The following NKAIN2 variants were observed in gnomAD, a reference collection of about 807,000 sequenced individuals.
The protein encoded by NKAIN2 is sodium/potassium-transporting ATPase subunit beta-1-interacting protein 2.
A neutral mutation model predicts 32.6 loss-of-function variants in NKAIN2; 14 were observed. The observed-to-expected ratio is 0.43, with a 90% confidence interval of 0.28 to 0.67. The LOEUF (loss-of-function observed/expected upper bound fraction) is 0.67, where lower values mean the gene tolerates loss of function less well. Among genes scored for constraint, NKAIN2 ranks in the 30% least tolerant of loss-of-function variants. NKAIN2 has a pLI of 0.17. For synonymous variants in NKAIN2, 80 were observed against 87.2 expected (o/e 0.92, Z 0.46); for missense variants, 198 against 258.3 (o/e 0.77, Z 1.60).
chr6:124,555,686 T>G (rs960935960), intron 3 of NKAIN2, among the ~76,000 whole-genome samples: 5 of 152,198 alleles, frequency 3.3e-5, no homozygotes, highest in African/African-American at 7.2e-5. Flanking sequence ...TGATCCTGAT[T>G]GATTAGAAGA....
chr6:124,243,568 G>A (rs546835159), intron 1 of NKAIN2, among the ~76,000 whole-genome samples: 1 of 152,060 alleles, frequency 6.6e-6, no homozygotes, highest in South Asian at 2.1e-4. Flanking sequence ...GGCAGCCAAT[G>A]TATTGGAAAT....
intron 3 of NKAIN2, among the ~76,000 whole-genome samples, chr6:124,469,099 G>C (rs1336764068): frequency 6.6e-6 from 1 of 152,152 alleles, no homozygotes; most frequent in African/African-American, 2.4e-5. Context: ...CCCTGGAATT[G>C]CTCGTTGCAG....
At chr6:124,144,581 A>C (rs552200130) in intron 1 of NKAIN2, among the ~76,000 whole-genome samples, 1 of 152,200 alleles carries the variant, frequency 6.6e-6, no homozygotes, top group Non-Finnish European at 1.5e-5. Flanking sequence ...CCACAATTAA[A>C]AAAAATAAAG....
At chr6:124,683,675 C>A (rs1051048394) in intron 4 of NKAIN2, among the ~76,000 whole-genome samples, 1 of 152,152 alleles carries the variant, frequency 6.6e-6, no homozygotes, top group Middle Eastern at 3.2e-3. Flanking sequence ...TGATCCCCCC[C>A]ACCCTGCTTT....
At chr6:123,867,323 T>G (rs1772587364) in intron 1 of NKAIN2, among the ~76,000 whole-genome samples, 1 of 152,240 alleles carries the variant, frequency 6.6e-6, no homozygotes, top group South Asian at 2.1e-4. Context: ...AGCAGAGTAT[T>G]ATATCATTTT....
chr6:124,706,956 G>C, intron 4 of NKAIN2, among the ~76,000 whole-genome samples: 1 of 151,560 alleles, frequency 6.6e-6, no homozygotes, highest in Non-Finnish European at 1.5e-5. Flanking sequence ...TCGTCATCTA[G>C]CATTAGTATA....
At chr6:124,109,538 T>C (rs13202400) in intron 1 of NKAIN2, among the ~76,000 whole-genome samples, 1 of 152,068 alleles carries the variant, frequency 6.6e-6, no homozygotes, top group South Asian at 2.1e-4. Flanking sequence ...TGAATACATA[T>C]ATACGATCAT....
chr6:124,431,849 AGATATTTCCACCACCACTAACAGC>A (rs1775230251), intron 3 of NKAIN2, among the ~76,000 whole-genome samples: 2 of 152,160 alleles, frequency 1.3e-5, no homozygotes, highest in Non-Finnish European at 2.9e-5. Flanking sequence ...TTATGTAAAG[AGATATTTCCACCACCACTAACAGC>A]AACAACAACA....
intron 4 of NKAIN2, 74 bp from the exon 5 acceptor site, chr6:124,791,265 G>T: frequency 8.7e-7 from 1 of 1,145,402 alleles, no homozygotes; most frequent in South Asian, 1.3e-5. Flanking sequence ...GCCTGACTTT[G>T]AAAAGCCACT....
At chr6:124,572,583 C>T (rs1211078490) in intron 3 of NKAIN2, among the ~76,000 whole-genome samples, 1 of 151,840 alleles carries the variant, frequency 6.6e-6, no homozygotes, top group Admixed American at 6.6e-5. Context: ...GTGGCGCACA[C>T]AAAAAAGAGA....
At chr6:124,559,089 G>A (rs576687503) in intron 3 of NKAIN2, among the ~76,000 whole-genome samples, 35 of 152,208 alleles carry the variant, frequency 2.3e-4, no homozygotes, top group Middle Eastern at 3.4e-3. Flanking sequence ...TCGTTTTCCT[G>A]TTTACTCCTC....
In NKAIN2 at chr6:124,063,117, G is replaced by A. The variant is rs186766847; in HGVS notation, c.55-219888G>A. ...AGAGAATTGCTTGAACCTGGGAGGC[G>A]GAGGTTGCAGTGAGCCGAGATCATG... is the stretch of plus-strand genomic sequence containing the variant. On this transcript the variant is annotated intron_variant, in intron 1 of 6. Coordinates refer to ENST00000368417, the MANE Select transcript of NKAIN2 (RefSeq NM_001040214.3). Among the ~76,000 whole-genome samples, 708 of 151,878 alleles carry A rather than the reference G, an allele frequency of 4.7e-3. 2 individuals carry two copies. The highest frequency in any genetic ancestry group is 0.016 in the African/African-American group (655 of 41,440).
intron 1 of NKAIN2, among the ~76,000 whole-genome samples, chr6:123,889,743 A>T (rs79161915): frequency 1.3e-5 from 2 of 152,212 alleles, no homozygotes; most frequent in Non-Finnish European, 2.9e-5. Flanking sequence ...ATAGCTACTC[A>T]TGAAATTCAG....
At position 123,804,065 on chromosome 6, in the gene NKAIN2, T is replaced by TGGCAGC. The variant is rs1554207541; in HGVS notation, c.-135_-130dup. On this transcript the variant is annotated 5_prime_UTR_variant, in exon 1 of 7. Transcript: ENST00000368417. ...TAATGCCTGTCACTTCCCAGGACGC[T>TGGCAGC]GGCAGCAGCAGCAGCCCGGAGCCCC... is the stretch of plus-strand genomic sequence containing the variant. 48 of 829,514 alleles carry TGGCAGC rather than the reference T, an allele frequency of 5.8e-5. 1 individual carries two copies. In the African/African-American group the frequency reaches 6.0e-4, roughly 10 times the overall value. 51.4% of individuals were successfully genotyped at this position (829,514 alleles called of 1,614,324 possible).
intron 2 of NKAIN2, 176 bp downstream of exon 2, chr6:124,283,318 AG>A: frequency 1.9e-6 from 1 of 522,846 alleles, no homozygotes; most frequent in Non-Finnish European, 3.4e-6. Context: ...TGAAAATGTC[AG>A]GTTTAAGGCA....
At chr6:124,155,886 C>T (rs1036617437) in intron 1 of NKAIN2, among the ~76,000 whole-genome samples, 6 of 150,950 alleles carry the variant, frequency 4.0e-5, no homozygotes, top group African/African-American at 1.5e-4. Flanking sequence ...TTTTAAATTG[C>T]ACCTTAAGGT....
chr6:124,770,696 T>C (rs972695399), intron 4 of NKAIN2, among the ~76,000 whole-genome samples: 1 of 152,192 alleles, frequency 6.6e-6, no homozygotes, highest in Admixed American at 6.5e-5. Flanking sequence ...TCTGATTCAT[T>C]ATTTCACTTC....
chr6:124,277,461 CTGTG>C (rs144605560), intron 1 of NKAIN2, among the ~76,000 whole-genome samples: 3 of 146,708 alleles, frequency 2.0e-5, no homozygotes, highest in Non-Finnish European at 3.0e-5. Context: ...GTGTGTGTAT[CTGTG>C]TGTGTGTGTG....
intron 1 of NKAIN2, among the ~76,000 whole-genome samples, chr6:124,274,889 T>TAC (rs1375455204): frequency 6.6e-6 from 1 of 152,014 alleles, no homozygotes; most frequent in Non-Finnish European, 1.5e-5. Flanking sequence ...CGATTAGGCA[T>TAC]ACACACACAC....
Sources: allele counts gnomAD v4.1 joint callset (sites outside exome capture counted in the v4.1 genomes callset), GRCh38; gene constraint gnomAD v4.1.1; transcripts MANE v1.5; gene names NCBI Gene and HGNC (gene_info 2026-07-23, HGNC 2026-07-21).